Variants in CAMTA1 observed in about 807,000 individuals in gnomAD.
CAMTA1 encodes calmodulin binding transcription activator 1.
CAMTA1 carries 27 observed loss-of-function variants against 170.9 expected under a neutral mutation model. That is an observed-to-expected ratio of 0.16 (90% CI 0.12 to 0.22). The LOEUF (loss-of-function observed/expected upper bound fraction) is 0.22, where lower values mean the gene tolerates loss of function less well. CAMTA1 is among the 10% of genes least tolerant of loss of function. CAMTA1 has a pLI of 1.00. For synonymous variants in CAMTA1, 833 were observed against 891.5 expected (o/e 0.93, Z 1.17); for missense variants, 1,619 against 2,217.2 (o/e 0.73, Z 5.42).
chr1:7,297,578 A>G (rs927783057), intron 5 of CAMTA1, among the ~76,000 whole-genome samples: 4 of 152,232 alleles, frequency 2.6e-5, no homozygotes, highest in African/African-American at 9.7e-5. Context: ...TCTGCCCTCA[A>G]CCAAGTACTC....
At chr1:7,229,333 T>A (rs1368017538) in intron 4 of CAMTA1, among the ~76,000 whole-genome samples, 4 of 148,148 alleles carry the variant, frequency 2.7e-5, no homozygotes, top group African/African-American at 1.0e-4. Context: ...TGGTGAAGTG[T>A]TGCAGGGCTG....
intron 5 of CAMTA1, among the ~76,000 whole-genome samples, chr1:7,465,703 G>A (rs1015905591): frequency 2.6e-5 from 4 of 152,180 alleles, no homozygotes; most frequent in Non-Finnish European, 5.9e-5. Context: ...GGCTTCAGGG[G>A]AAAGCGGGCC....
intron 10 of CAMTA1, chr1:7,672,100 G>A: frequency 2.2e-6 from 1 of 455,846 alleles, no homozygotes; most frequent in Admixed American, 2.4e-5. Flanking sequence ...ATAAACAGGA[G>A]GGGGGTAAGG....
chr1:7,026,348 C>T (rs72640006), intron 3 of CAMTA1, among the ~76,000 whole-genome samples: 6,793 of 151,432 alleles, frequency 0.045, 179 homozygotes, highest in Middle Eastern at 0.15. Context: ...CCTATATGTC[C>T]AGGGGGGGAG....
At chr1:7,168,152 T>G (rs577153474) in intron 4 of CAMTA1, among the ~76,000 whole-genome samples, 24 of 152,198 alleles carry the variant, frequency 1.6e-4, no homozygotes, top group Non-Finnish European at 2.2e-4. Context: ...TATTTTCTGT[T>G]TGTTGCTATT....
chr1:7,176,507 C>T (rs1319590787), intron 4 of CAMTA1, among the ~76,000 whole-genome samples: 1 of 152,134 alleles, frequency 6.6e-6, no homozygotes, highest in Non-Finnish European at 1.5e-5. Flanking sequence ...GCCTCGGAGT[C>T]AGGGGCCTAC....
chr1:6,790,309 G>A (rs1640694770), intron 1 of CAMTA1, among the ~76,000 whole-genome samples: 1 of 151,796 alleles, frequency 6.6e-6, no homozygotes, highest in Admixed American at 6.6e-5. Flanking sequence ...TGGGAGGGTG[G>A]ACTGGGAGAG....
chr1:7,344,968 G>C (rs1343070367), intron 5 of CAMTA1, among the ~76,000 whole-genome samples: 1 of 151,826 alleles, frequency 6.6e-6, no homozygotes, highest in African/African-American at 2.4e-5. Context: ...AGCCAGGATG[G>C]TCTCCATCTC....
intron 5 of CAMTA1, among the ~76,000 whole-genome samples, chr1:7,264,811 G>A (rs1038952728): frequency 1.3e-5 from 2 of 152,096 alleles, no homozygotes; most frequent in Admixed American, 1.3e-4. Flanking sequence ...TTTCCTGCAC[G>A]GCCACCTTTT....
At chr1:7,405,290 C>T (rs906353325) in intron 5 of CAMTA1, among the ~76,000 whole-genome samples, 1 of 152,174 alleles carries the variant, frequency 6.6e-6, no homozygotes, top group African/African-American at 2.4e-5. Context: ...TCCTCCAGGA[C>T]TTCCTTGGTA....
At chr1:7,289,834 G>A (rs1672866930) in intron 5 of CAMTA1, among the ~76,000 whole-genome samples, 1 of 152,180 alleles carries the variant, frequency 6.6e-6, no homozygotes, top group Admixed American at 6.5e-5. Flanking sequence ...ACTGGAAGCT[G>A]GAAGAGACAA....
At chr1:7,294,704 G>A (rs1673663032) in intron 5 of CAMTA1, among the ~76,000 whole-genome samples, 1 of 152,210 alleles carries the variant, frequency 6.6e-6, no homozygotes, top group African/African-American at 2.4e-5. Flanking sequence ...TTATCCTTGT[G>A]CCTTATGAAC....
intron 5 of CAMTA1, among the ~76,000 whole-genome samples, chr1:7,274,812 C>T (rs953293593): frequency 3.9e-5 from 6 of 151,940 alleles, no homozygotes; most frequent in Admixed American, 2.0e-4. Flanking sequence ...ACACAACATA[C>T]TGCTTAAGGT....
Position 7,036,940 on chromosome 1 carries a change from T to TGG in CAMTA1, c.235-54364_235-54363insGG, listed in dbSNP as rs1482606369. Among the ~76,000 whole-genome samples the TGG allele has an allele frequency of 8.5e-5, 13 of 152,366 alleles. No homozygotes were observed. The East Asian group carries it at 2.5e-3, about 29-fold the overall frequency. ...GGGTTAATTGCGTGGAGGCTGTGTTTCAGTGAGGCCTTGGAAGTTCGGGGC... is the reference window on the plus strand; with the variant it reads ...GGGTTAATTGCGTGGAGGCTGTGTTTGGCAGTGAGGCCTTGGAAGTTCGGGGC... On this transcript the variant is annotated intron_variant, in intron 3 of 22. Transcript: ENST00000303635.
chr1:7,112,622 CTCCCTCCCGCTGTGTG>C (rs1644130570), intron 4 of CAMTA1, among the ~76,000 whole-genome samples: 1 of 152,242 alleles, frequency 6.6e-6, no homozygotes, highest in African/African-American at 2.4e-5. Flanking sequence ...TTGAGGCCTC[CTCCCTCCCGCTGTGTG>C]TCCCTCTCCC....
intron 4 of CAMTA1, among the ~76,000 whole-genome samples, chr1:7,108,984 G>A (rs745578235): frequency 2.6e-5 from 4 of 152,164 alleles, no homozygotes; most frequent in Non-Finnish European, 5.9e-5. Context: ...TCAGTTCCTT[G>A]TGGGCTGTTG....
At chr1:6,852,854 T>C (rs1156986102) in intron 3 of CAMTA1, among the ~76,000 whole-genome samples, 1 of 152,010 alleles carries the variant, frequency 6.6e-6, no homozygotes, top group Non-Finnish European at 1.5e-5. Flanking sequence ...GGTGGTGGGG[T>C]GGGGAGCAGA....
At chr1:7,245,106 G>T (rs991149752) in intron 4 of CAMTA1, among the ~76,000 whole-genome samples, 1 of 151,084 alleles carries the variant, frequency 6.6e-6, no homozygotes, top group Non-Finnish European at 1.5e-5. Context: ...TTGTTTTTCT[G>T]TAGTAAATGG....
chr1:7,702,388 G>A (rs1391641740), intron 11 of CAMTA1, among the ~76,000 whole-genome samples: 1 of 152,238 alleles, frequency 6.6e-6, no homozygotes, highest in African/African-American at 2.4e-5. Context: ...CCACCTGAGA[G>A]AGAAAAGACT....
Sources: allele counts gnomAD v4.1 joint callset (sites outside exome capture counted in the v4.1 genomes callset), GRCh38; gene constraint gnomAD v4.1.1; transcripts MANE v1.5; gene names NCBI Gene and HGNC (gene_info 2026-07-23, HGNC 2026-07-21).